Variants in COL23A1 observed in about 807,000 individuals in gnomAD.
The protein encoded by COL23A1 is collagen alpha-1(XXIII) chain.
Under a neutral mutation model 99.3 loss-of-function variants are expected in COL23A1, and 97 were observed. The ratio of observed to expected loss-of-function variants is 0.98; its 90% confidence interval spans 0.83 to 1.16. The LOEUF is 1.16. Among genes scored for constraint, COL23A1 ranks in the 50% most tolerant of loss-of-function variants. The pLI, the probability that COL23A1 is intolerant of heterozygous loss-of-function variation, is 0.00. For missense variants in COL23A1, 762 were observed against 757.4 expected (o/e 1.01, Z -0.07); for synonymous variants, 320 against 308.2 (o/e 1.04, Z -0.40).
chr5:178,502,875 C>T (rs1171848623), intron 2 of COL23A1, among the ~76,000 whole-genome samples: 2 of 152,178 alleles, frequency 1.3e-5, no homozygotes, highest in African/African-American at 4.8e-5. Context: ...CACGCCCACA[C>T]GCCCCTGAAC....
chr5:178,372,380 C>T (rs1050763952), intron 2 of COL23A1, among the ~76,000 whole-genome samples: 4 of 152,128 alleles, frequency 2.6e-5, no homozygotes, highest in Non-Finnish European at 5.9e-5. Context: ...CTGGTGTTGG[C>T]GTTAGCCCTG....
intron 12 of COL23A1, among the ~76,000 whole-genome samples, chr5:178,258,832 C>A (rs1765476497): frequency 6.6e-6 from 1 of 151,854 alleles, no homozygotes; most frequent in East Asian, 1.9e-4. Flanking sequence ...GTAGCTGGGA[C>A]TACAGATGCA....
At chr5:178,320,749 T>TTCAGCTGTTGGGCCG (rs1759251108) in intron 2 of COL23A1, among the ~76,000 whole-genome samples, 1 of 152,224 alleles carries the variant, frequency 6.6e-6, no homozygotes, top group South Asian at 2.1e-4. Flanking sequence ...GCCAAAGAGT[T>TTCAGCTGTTGGGCCG]TCAGCTGTTG....
intron 2 of COL23A1, among the ~76,000 whole-genome samples, chr5:178,457,498 A>T (rs937231496): frequency 3.9e-5 from 6 of 152,238 alleles, no homozygotes; most frequent in African/African-American, 1.4e-4. Flanking sequence ...TACAGGCACG[A>T]ACCACTACGC....
At chr5:178,541,712 C>T (rs1761299385) in intron 2 of COL23A1, among the ~76,000 whole-genome samples, 1 of 152,244 alleles carries the variant, frequency 6.6e-6, no homozygotes, top group South Asian at 2.1e-4. Context: ...CAGCAGCTCT[C>T]TTCACGACAA....
chr5:178,285,917 C>A (rs915833051), intron 5 of COL23A1, among the ~76,000 whole-genome samples: 2 of 152,262 alleles, frequency 1.3e-5, no homozygotes, highest in Non-Finnish European at 2.9e-5. Flanking sequence ...TCCCCTTCCT[C>A]GAATGGGGAA....
intron 2 of COL23A1, among the ~76,000 whole-genome samples, chr5:178,461,479 A>G (rs1346046592): frequency 6.6e-6 from 1 of 152,246 alleles, no homozygotes; most frequent in Non-Finnish European, 1.5e-5. Context: ...AGGAGGGCCT[A>G]TTCGGCATCA....
intron 23 of COL23A1, 26 bp downstream of exon 23, chr5:178,246,365 G>A (rs1253872553): frequency 6.4e-7 from 1 of 1,569,700 alleles, no homozygotes; most frequent in South Asian, 1.2e-5. Context: ...AACACCTTTG[G>A]GACAAACAAC....
chr5:178,460,138 T>C (rs934387658), intron 2 of COL23A1, among the ~76,000 whole-genome samples: 1 of 152,214 alleles, frequency 6.6e-6, no homozygotes, highest in Non-Finnish European at 1.5e-5. Context: ...TGTTTATTTC[T>C]GCTTTTCCTA....
intron 2 of COL23A1, among the ~76,000 whole-genome samples, chr5:178,330,906 CAA>C (rs2127644927): frequency 6.6e-6 from 1 of 152,332 alleles, no homozygotes; most frequent in Non-Finnish European, 1.5e-5. Context: ...GTCACTTCAT[CAA>C]AGAGGCACCC....
intron 19 of COL23A1, among the ~76,000 whole-genome samples, chr5:178,248,817 G>C (rs1228875584): frequency 6.6e-6 from 1 of 152,188 alleles, no homozygotes; most frequent in Non-Finnish European, 1.5e-5. Context: ...ATGCAAACTT[G>C]GGCAGTTTAG....
chr5:178,493,890 G>A (rs905705331), intron 2 of COL23A1, among the ~76,000 whole-genome samples: 17 of 152,210 alleles, frequency 1.1e-4, no homozygotes, highest in African/African-American at 2.4e-4. Flanking sequence ...GCATGCAATC[G>A]TGACAGGCCA....
At chr5:178,244,593 C>G (rs1238190016) in intron 25 of COL23A1, among the ~76,000 whole-genome samples, 11 of 152,208 alleles carry the variant, frequency 7.2e-5, no homozygotes. Flanking sequence ...GGATGCTGGT[C>G]TCGAGCTGCT....
chr5:178,507,729 G>C (rs1342505539), intron 2 of COL23A1, among the ~76,000 whole-genome samples: 1 of 152,176 alleles, frequency 6.6e-6, no homozygotes, highest in East Asian at 1.9e-4. Context: ...GTAAAGTGTT[G>C]CTTCTCCCTG....
chr5:178,418,776 C>T (rs539041817), intron 2 of COL23A1, among the ~76,000 whole-genome samples: 19 of 152,102 alleles, frequency 1.2e-4, no homozygotes, highest in African/African-American at 4.1e-4. Context: ...CTTGTCGGCA[C>T]TGGGAGGCAG....
chr5:178,420,970 G>A (rs897540861), intron 2 of COL23A1, among the ~76,000 whole-genome samples: 1 of 151,942 alleles, frequency 6.6e-6, no homozygotes, highest in Non-Finnish European at 1.5e-5. Flanking sequence ...GGCGTGGGGG[G>A]GTCACAGGAT....
At chr5:178,316,553 TC>T (rs1243887452) in intron 2 of COL23A1, among the ~76,000 whole-genome samples, 1 of 152,172 alleles carries the variant, frequency 6.6e-6, no homozygotes, top group Admixed American at 6.5e-5. Context: ...CAGACAGAAT[TC>T]CCGATTTTTT....
intron 25 of COL23A1, among the ~76,000 whole-genome samples, chr5:178,245,558 C>A (rs1055477802): frequency 6.6e-6 from 1 of 150,602 alleles, no homozygotes; most frequent in Admixed American, 6.6e-5. Flanking sequence ...ATTCACCCAT[C>A]CATCCATTCA....
intron 2 of COL23A1, among the ~76,000 whole-genome samples, chr5:178,400,251 C>T (rs959787311): frequency 6.6e-6 from 1 of 150,580 alleles, no homozygotes. Context: ...CCTGTAGCCA[C>T]AGCTACTGGG....
Sources: allele counts gnomAD v4.1 joint callset (sites outside exome capture counted in the v4.1 genomes callset), GRCh38; gene constraint gnomAD v4.1.1; transcripts MANE v1.5; gene names NCBI Gene and HGNC (gene_info 2026-07-23, HGNC 2026-07-21).